Variants in LOC400499 observed in about 807,000 individuals in gnomAD.
At chr16:11,400,432 T>C in the LOC400499 span, among the ~76,000 whole-genome samples, 1 of 40,516 alleles carries the variant, frequency 2.5e-5, no homozygotes, top group Non-Finnish European at 4.7e-5. Flanking sequence ...ACGCTCAGTC[T>C]CACATCTTTT....
the LOC400499 span, chr16:11,390,236 G>T: frequency 5.7e-6 from 7 of 1,232,580 alleles, no homozygotes; most frequent in Non-Finnish European, 7.1e-6. Flanking sequence ...AGCTGGCTCA[G>T]TCATCCTCAC....
the LOC400499 span, among the ~76,000 whole-genome samples, chr16:11,422,993 A>T: frequency 6.7e-6 from 1 of 150,276 alleles, no homozygotes; most frequent in Non-Finnish European, 1.5e-5. Flanking sequence ...GGGAACTGGG[A>T]GTCCAGGTGC....
At chr16:11,477,573 G>C in the LOC400499 span, among the ~76,000 whole-genome samples, 1 of 152,236 alleles carries the variant, frequency 6.6e-6, no homozygotes, top group Non-Finnish European at 1.5e-5. Flanking sequence ...AAGGGCATAG[G>C]GTTGTGGCCA....
At chr16:11,487,033 G>A in the LOC400499 span, among the ~76,000 whole-genome samples, 1 of 152,044 alleles carries the variant, frequency 6.6e-6, no homozygotes, top group East Asian at 1.9e-4. Flanking sequence ...AGATGAGCAG[G>A]TCAGTGGATA....
the LOC400499 span, chr16:11,457,151 C>G: frequency 2.9e-6 from 3 of 1,018,252 alleles, no homozygotes; most frequent in Non-Finnish European, 1.4e-6. Flanking sequence ...CTGCACTCCA[C>G]ACGGGCAACG....
At chr16:11,462,426 T>G in the LOC400499 span, 4 of 1,287,914 alleles carry the variant, frequency 3.1e-6, no homozygotes, top group Middle Eastern at 3.0e-4. Context: ...CACCGATCCT[T>G]ACCCAATTTT....
the LOC400499 span, chr16:11,387,000 G>A: frequency 1.9e-5 from 16 of 847,120 alleles, no homozygotes; most frequent in East Asian, 3.3e-5. Context: ...GGGAAGTCCA[G>A]TAAGCTCTGG....
chr16:11,497,853 G>A, the LOC400499 span, among the ~76,000 whole-genome samples: 2 of 152,186 alleles, frequency 1.3e-5, no homozygotes, highest in South Asian at 2.1e-4. Flanking sequence ...AAAATGGGAG[G>A]AGAAGAAAAC....
At chr16:11,510,221 G>GC in the LOC400499 span, among the ~76,000 whole-genome samples, 39,468 of 151,304 alleles carry the variant, frequency 0.26, 6,540 homozygotes, top group Admixed American at 0.4. Context: ...CTTAGCAAAG[G>GC]CGTGTGCCTT....
At chr16:11,392,394 G>T in the LOC400499 span, 2 of 398,880 alleles carry the variant, frequency 5.0e-6, no homozygotes, top group East Asian at 7.1e-5. Flanking sequence ...TGCAGGGTCA[G>T]GCGTCCCAGC....
chr16:11,389,161 A>G, the LOC400499 span, among the ~76,000 whole-genome samples: 1 of 152,172 alleles, frequency 6.6e-6, no homozygotes, highest in Non-Finnish European at 1.5e-5. Context: ...GAGCGCTCTT[A>G]CCACGCTGGC....
At chr16:11,383,232 A>AT in the LOC400499 span, among the ~76,000 whole-genome samples, 14 of 151,850 alleles carry the variant, frequency 9.2e-5, no homozygotes, top group Middle Eastern at 3.4e-3. Context: ...TGCCCGGCTA[A>AT]TTTTTTTTGT....
the LOC400499 span, chr16:11,446,811 G>GACA: frequency 6.5e-7 from 1 of 1,536,138 alleles, no homozygotes; most frequent in Non-Finnish European, 8.7e-7. Flanking sequence ...GGCCATTCAG[G>GACA]ACAACCCTAG....
At chr16:11,382,047 C>T in the LOC400499 span, among the ~76,000 whole-genome samples, 1 of 152,066 alleles carries the variant, frequency 6.6e-6, no homozygotes, top group African/African-American at 2.4e-5. Context: ...AGCGATTCTC[C>T]TGCCTCAGCC....
At chr16:11,476,443 A>G in the LOC400499 span, among the ~76,000 whole-genome samples, 8 of 151,980 alleles carry the variant, frequency 5.3e-5, no homozygotes, top group Admixed American at 6.6e-5. Flanking sequence ...TTCACAGTCA[A>G]CAGACACACA....
chr16:11,527,558 C>T, the LOC400499 span, among the ~76,000 whole-genome samples: 78,008 of 151,902 alleles, frequency 0.51, 21,056 homozygotes, highest in African/African-American at 0.7. Flanking sequence ...AAACATAAAA[C>T]TGACCATTTT....
the LOC400499 span, among the ~76,000 whole-genome samples, chr16:11,386,888 C>T: frequency 6.6e-6 from 1 of 152,232 alleles, no homozygotes; most frequent in Admixed American, 6.5e-5. Context: ...AGGGAGCTGG[C>T]CTGAAGCCCT....
At chr16:11,516,843 C>T in the LOC400499 span, among the ~76,000 whole-genome samples, 772 of 152,248 alleles carry the variant, frequency 5.1e-3, 7 homozygotes, top group African/African-American at 0.016. Context: ...GATAGATTCC[C>T]GCTACGTTGC....
the LOC400499 span, among the ~76,000 whole-genome samples, chr16:11,418,510 T>C: frequency 0.41 from 62,527 of 152,020 alleles, 13,054 homozygotes; most frequent in African/African-American, 0.48. Context: ...GTCATGGCAA[T>C]GTCAGGAAGT....
Sources: allele counts gnomAD v4.1 joint callset (sites outside exome capture counted in the v4.1 genomes callset), GRCh38; gene constraint gnomAD v4.1.1; transcripts MANE v1.5.